The following TSNAXIP1 variants were observed in gnomAD, a reference collection of about 807,000 sequenced individuals.
The protein encoded by TSNAXIP1 is translin-associated factor X-interacting protein 1.
A neutral mutation model predicts 84.8 loss-of-function variants in TSNAXIP1; 89 were observed. That is an observed-to-expected ratio of 1.05 (90% CI 0.88 to 1.25). The LOEUF is 1.25. Among genes scored for constraint, TSNAXIP1 ranks in the 50% most tolerant of loss-of-function variants. The pLI, the probability that TSNAXIP1 is intolerant of heterozygous loss-of-function variation, is 0.00. For missense variants in TSNAXIP1, 874 were observed against 887.6 expected, an observed-to-expected ratio of 0.98 and a Z score of 0.20; for synonymous variants, 347 against 335.2, an observed-to-expected ratio of 1.04 and a Z score of -0.39.
intron 13 of TSNAXIP1, 73 bp from the exon 14 acceptor site, chr16:67,827,176 C>A: frequency 6.2e-7 from 1 of 1,607,360 alleles, no homozygotes; most frequent in South Asian, 1.1e-5. Context: ...GGCACTCACT[C>A]CCTTTTGAGC....
chr16:67,826,473 G>C lies in TSNAXIP1; in HGVS notation c.1312G>C (p.Asp438His), dbSNP rs369795844. Residue 438 changes from aspartate (D) to histidine (H), a missense_variant, in exon 11 of 16, where the codon GAT becomes CAT. By Grantham distance (81) the Asp-to-His change is moderately conservative. Coordinates refer to ENST00000561639, the MANE Select transcript of TSNAXIP1 (RefSeq NM_001288990.3). Reference protein sequence around the residue: ...GEAIPAFLRFDGLVENKKPSK... With the variant: ...GEAIPAFLRFHGLVENKKPSK... ...AGCCATCCCTGCTTTTCTTCGGTTTGATGGCCTCGTGGAGAACAAGAAGCC... is the reference window on the plus strand; with the variant it reads ...AGCCATCCCTGCTTTTCTTCGGTTTCATGGCCTCGTGGAGAACAAGAAGCC... 6.2e-6 allele frequency: 10 copies of C among 1,613,968 alleles called. No homozygotes were observed. Among genetic ancestry groups the C allele is most frequent in the Admixed American group, 1.7e-5 (1 of 60,000 alleles).
intron 2 of TSNAXIP1, among the ~76,000 whole-genome samples, chr16:67,816,484 CTT>C (rs1266324447): frequency 6.6e-6 from 1 of 152,108 alleles, no homozygotes; most frequent in Non-Finnish European, 1.5e-5. Context: ...GGGCCACACA[CTT>C]TGTGGGGCTG....
At chr16:67,817,398 G>C (rs1470938207) in intron 2 of TSNAXIP1, among the ~76,000 whole-genome samples, 10 of 143,130 alleles carry the variant, frequency 7.0e-5, no homozygotes, top group Non-Finnish European at 1.5e-4. Flanking sequence ...CACCCGCCTC[G>C]GCCTCCCAAA....
At chr16:67,827,122 A>C (rs745373645) in intron 13 of TSNAXIP1, 50 bp downstream of exon 13, 2 of 1,607,846 alleles carry the variant, frequency 1.2e-6, no homozygotes, top group South Asian at 1.1e-5. Context: ...CTATTCCTGC[A>C]TCTGTAGGGA....
chr16:67,821,265 G>A, intron 4 of TSNAXIP1, 40 bp downstream of exon 4: 1 of 1,494,158 alleles, frequency 6.7e-7, no homozygotes, highest in Non-Finnish European at 9.1e-7. Flanking sequence ...GCGGGGGAAG[G>A]GTGGGAAGAA....
chr16:67,814,898 C>G (rs2056412956), intron 2 of TSNAXIP1, among the ~76,000 whole-genome samples: 1 of 152,086 alleles, frequency 6.6e-6, no homozygotes, highest in South Asian at 2.1e-4. Context: ...TGTGTGAAGG[C>G]AGGAGGAAAG....
chr16:67,807,348 G>A (rs1309815855), intron 1 of TSNAXIP1, 152 bp downstream of exon 1: 2 of 1,533,702 alleles, frequency 1.3e-6, no homozygotes, highest in African/African-American at 2.7e-5. Context: ...GAATCGGGCT[G>A]ATTTAGCCCA....
At chr16:67,816,753 G>T (rs1029774001) in intron 2 of TSNAXIP1, among the ~76,000 whole-genome samples, 1 of 152,018 alleles carries the variant, frequency 6.6e-6, no homozygotes, top group Non-Finnish European at 1.5e-5. Context: ...TTACCTACAG[G>T]GGGAAGCAGA....
intron 1 of TSNAXIP1, among the ~76,000 whole-genome samples, chr16:67,813,108 C>T (rs953988501): frequency 2.6e-5 from 4 of 151,656 alleles, no homozygotes; most frequent in Admixed American, 6.6e-5. Context: ...AACTTCAGGC[C>T]GGTCGCGGTG....
intron 7 of TSNAXIP1, 75 bp downstream of exon 7, chr16:67,825,347 A>G (rs555016193): frequency 3.8e-6 from 6 of 1,576,198 alleles, no homozygotes; most frequent in Non-Finnish European, 4.3e-6. Context: ...CCTAAGCCCC[A>G]TTCATTCAGC....
chr16:67,824,506 A>G (rs2057297732), intron 5 of TSNAXIP1, 77 bp from the exon 6 acceptor site: 1 of 1,413,268 alleles, frequency 7.1e-7, no homozygotes, highest in Non-Finnish European at 9.7e-7. Context: ...ATAGCCACTC[A>G]CCCATGACCT....
Position 67,827,261 on chromosome 16 carries a change from G to C in TSNAXIP1, c.1677G>C (p.Lys559Asn), listed in dbSNP as rs746846360. The change falls in exon 14 of 16, where the codon AAG (lysine) becomes AAC (asparagine). Residue 559 changes from lysine to asparagine, a missense_variant. Transcript: ENST00000561639. ...GTCTCCCCTACAGCACTGTCCTCAA[G>C]AGTACCTTCCCTCTCAAGACAGAAG... ...LTMEQFNTVL[K>N]STFPLKTEEQ... 1.2e-6 allele frequency: 2 copies of C among 1,614,214 alleles called. No individual in the cohort carries two copies. The highest frequency in any genetic ancestry group is 2.7e-5 in the African/African-American group (2 of 75,058).
In TSNAXIP1 at chr16:67,826,761, TG is replaced by T. The variant is rs2057487821; in HGVS notation, c.1474del (p.Ala492LeufsTer17). On this transcript the variant is annotated frameshift_variant, in exon 12 of 16. Coordinates refer to ENST00000561639, the MANE Select transcript of TSNAXIP1 (RefSeq NM_001288990.3). LOFTEE classifies it high-confidence loss of function. ...HRFGPSDAMA[W>X]AYTIFENIKI... ...CTTTGGGCCCAGTGATGCCATGGCC[TG>T]GGCTTATACTATTTTTGAAAATATC... The T allele has an allele frequency of 6.2e-7, 1 of 1,614,096 alleles. No homozygotes were observed.
rs148998330 is a variant in TSNAXIP1 at position 67,809,721 on chromosome 16, G to A, written c.47+2525G>A. On this transcript the variant is annotated intron_variant, in intron 1 of 15. Transcript: ENST00000561639. ...CCAACACTTTAGGAGTCTGAGGTGG[G>A]TACATCATTTGGGGTCAGGAGTTCA... 4.8e-4 allele frequency among the ~76,000 whole-genome samples: 73 copies of A among 152,216 alleles called. No individual in the cohort carries two copies. In the East Asian group the frequency reaches 0.013, roughly 27 times the overall value.
chr16:67,822,584 G>A lies in TSNAXIP1; in HGVS notation c.388-1042G>A, dbSNP rs535215234. 5.9e-5 allele frequency among the ~76,000 whole-genome samples: 9 copies of A among 152,156 alleles called. No homozygotes were observed. In the South Asian group the frequency reaches 1.5e-3, roughly 25 times the overall value. On this transcript the variant is annotated intron_variant, in intron 4 of 15. Transcript: ENST00000561639. ...AGGGAGGAAGAGAGAGAGAGAGAGA[G>A]AGAGAGATCAGATCCAACCCAGATA...
rs534769963 is a variant in TSNAXIP1, at chr16:67,815,687, C to T, written c.147+1286C>T. Among the ~76,000 whole-genome samples, 216 of 151,754 alleles carry T rather than the reference C, an allele frequency of 1.4e-3. 3 individuals are homozygous for T. Among genetic ancestry groups the T allele is most frequent in the Middle Eastern group, 0.01 (3 of 294 alleles). ...CTATTTTTTGCATTTTTTGTAGAGG[C>T]AGAGTCTAACTACGTTGCCCAAGCT... On this transcript the variant is annotated intron_variant, in intron 2 of 15. Coordinates refer to ENST00000561639, the MANE Select transcript of TSNAXIP1 (RefSeq NM_001288990.3).
chr16:67,811,598 C>T (rs938733918), intron 1 of TSNAXIP1, among the ~76,000 whole-genome samples: 7 of 151,798 alleles, frequency 4.6e-5, no homozygotes, highest in African/African-American at 7.3e-5. Context: ...CCCGCCACCA[C>T]ACCCGGCTAA....
At position 67,820,846 on chromosome 16, in the gene TSNAXIP1, A is replaced by C. The variant is rs754251629; in HGVS notation, c.155A>C (p.Gln52Pro). ...ACCTGTACCTCCCTGCAGACTGGTCAGTTCTCCATGGGTGGGCACCTGTCC... is the reference window on the plus strand; with the variant it reads ...ACCTGTACCTCCCTGCAGACTGGTCCGTTCTCCATGGGTGGGCACCTGTCC... Reference protein sequence around the residue: ...LLQKRRTLTGQFSMGGHLSPW... With the variant: ...LLQKRRTLTGPFSMGGHLSPW... The change falls in exon 3 of 16, where the codon CAG (glutamine) becomes CCG (proline). Residue 52 changes from glutamine to proline, a missense_variant. Coordinates refer to ENST00000561639, the MANE Select transcript of TSNAXIP1 (RefSeq NM_001288990.3). The C allele has an allele frequency of 2.6e-6, 4 of 1,543,508 alleles. No homozygotes were observed. In the South Asian group the frequency reaches 5.0e-5, roughly 19 times the overall value.
chr16:67,810,608 G>C (rs2055967732), intron 1 of TSNAXIP1, among the ~76,000 whole-genome samples: 2 of 152,052 alleles, frequency 1.3e-5, no homozygotes, highest in African/African-American at 4.8e-5. Context: ...GACAGAGCCA[G>C]ATTACGTCTT....
Sources: allele counts gnomAD v4.1 joint callset (sites outside exome capture counted in the v4.1 genomes callset), GRCh38; gene constraint gnomAD v4.1.1; transcripts MANE v1.5; gene names NCBI Gene and HGNC (gene_info 2026-07-23, HGNC 2026-07-21).